PRKN: variants seen among roughly 807,000 people sequenced by gnomAD.
The protein encoded by PRKN is parkin RBR E3 ubiquitin protein ligase, also known as E3 ubiquitin-protein ligase parkin.
Under a neutral mutation model 59.5 loss-of-function variants are expected in PRKN, and 56 were observed. The ratio of observed to expected loss-of-function variants is 0.94; its 90% CI spans 0.76 to 1.18. The LOEUF (loss-of-function observed/expected upper bound fraction) is 1.18. PRKN is among the 50% of genes most tolerant of loss of function. The pLI is 0.00. For synonymous variants in PRKN, 250 were observed against 222.1 expected (o/e 1.13, Z -1.12); for missense variants, 657 against 596.4 (o/e 1.10, Z -1.06).
intron 5 of PRKN, among the ~76,000 whole-genome samples, chr6:161,986,068 T>C (rs1781425287): frequency 6.6e-6 from 1 of 152,194 alleles, no homozygotes; most frequent in Non-Finnish European, 1.5e-5. Context: ...CATGTCAGTT[T>C]ACCATTGCCA....
chr6:161,883,473 C>A (rs932907516), intron 6 of PRKN, among the ~76,000 whole-genome samples: 3 of 121,644 alleles, frequency 2.5e-5, no homozygotes, highest in Non-Finnish European at 1.6e-5. Context: ...GGTGACAGAG[C>A]AAGACTCTGA....
intron 1 of PRKN, among the ~76,000 whole-genome samples, chr6:162,519,834 T>C (rs997660560): frequency 2.6e-5 from 4 of 152,230 alleles, no homozygotes; most frequent in African/African-American, 9.6e-5. Context: ...TTTGCTGTAA[T>C]TTCATATATG....
In PRKN at chr6:161,766,456, C is replaced by T. The variant is rs541188836; in HGVS notation, c.871+19316G>A. ...CTGAGTAGCTGGGACTACAGGTGCACGCCACCATGCCCAGCTAATTTTTCT... is the reference window on the plus strand; with the variant it reads ...CTGAGTAGCTGGGACTACAGGTGCATGCCACCATGCCCAGCTAATTTTTCT... On this transcript the variant is annotated intron_variant, in intron 7 of 11. Transcript: ENST00000366898. Among the ~76,000 whole-genome samples, 11 of 152,096 alleles carry T rather than the reference C, an allele frequency of 7.2e-5. No individual in the cohort carries two copies. The South Asian group carries it at 8.3e-4, about 11-fold the overall frequency.
rs1015653939 is a variant in PRKN, at chr6:162,074,082, A to G, written c.535-19908T>C. 5.1e-4 allele frequency among the ~76,000 whole-genome samples: 74 copies of G among 145,840 alleles called. 1 individual carries two copies. The highest frequency in any genetic ancestry group is 8.8e-4 in the Non-Finnish European group (59 of 66,882). ...GTGGAAGTCAGTGTGGCGATTCCTC[A>G]AGGATCTAGAACTGGAAATACCATT... On this transcript the variant is annotated intron_variant, in intron 4 of 11. Transcript: ENST00000366898.
At chr6:162,242,039 C>G (rs1003858821) in intron 3 of PRKN, among the ~76,000 whole-genome samples, 1 of 151,848 alleles carries the variant, frequency 6.6e-6, no homozygotes, top group Non-Finnish European at 1.5e-5. Context: ...TAAACTCCCA[C>G]ATTTAAAATT....
chr6:162,462,962 T>G (rs1791241073), intron 1 of PRKN, among the ~76,000 whole-genome samples: 1 of 151,990 alleles, frequency 6.6e-6, no homozygotes, highest in African/African-American at 2.4e-5. Context: ...GGTGTGGTAG[T>G]GGGCGACTGA....
At position 161,441,213 on chromosome 6, in the gene PRKN, C is replaced by T. The variant is rs569611214; in HGVS notation, c.1084-54336G>A. 1.1e-4 allele frequency among the ~76,000 whole-genome samples: 16 copies of T among 152,300 alleles called. No homozygotes were observed. The South Asian group carries it at 1.2e-3, about 12-fold the overall frequency. On this transcript the variant is annotated intron_variant, in intron 9 of 11. Coordinates refer to ENST00000366898, the MANE Select transcript of PRKN (RefSeq NM_004562.3). ...AGCAAGAAAGAGCAGCTCAGCTCTG[C>T]GGAGAAGCATGGTGCTCAGCCATCA...
intron 2 of PRKN, among the ~76,000 whole-genome samples, chr6:162,349,677 C>T (rs748330922): frequency 7.9e-5 from 12 of 152,088 alleles, no homozygotes; most frequent in Non-Finnish European, 7.4e-5. Context: ...TGATGCAAAA[C>T]GGGAAGAGAA....
At chr6:161,567,809 T>C (rs1780713040) in intron 8 of PRKN, among the ~76,000 whole-genome samples, 1 of 152,158 alleles carries the variant, frequency 6.6e-6, no homozygotes, top group African/African-American at 2.4e-5. Flanking sequence ...ACTGCAAATA[T>C]TGGTACAAGT....
intron 6 of PRKN, among the ~76,000 whole-genome samples, chr6:161,902,876 T>C (rs767666260): frequency 7.2e-5 from 11 of 152,146 alleles, no homozygotes; most frequent in South Asian, 2.1e-4. Flanking sequence ...ATTTCTTACA[T>C]AGGACAAAAG....
intron 1 of PRKN, among the ~76,000 whole-genome samples, chr6:162,617,180 G>A (rs890278062): frequency 6.6e-6 from 1 of 151,968 alleles, no homozygotes; most frequent in Non-Finnish European, 1.5e-5. Context: ...TTTTTGTTGT[G>A]AGAATATTTA....
In PRKN at chr6:161,575,566, C is replaced by T. The variant is rs1781100078; in HGVS notation, c.872-6150G>A. Among the ~76,000 whole-genome samples, 1 of 152,180 alleles carries T rather than the reference C, an allele frequency of 6.6e-6. No homozygotes were observed. Among genetic ancestry groups the T allele is most frequent in the Non-Finnish European group, 1.5e-5 (1 of 68,032 alleles). ...ATTAAAAACCACATGAGTCTTCGAT[C>T]ACTATTTTTCCTTTTAATTTCTTTG... is the stretch of plus-strand genomic sequence containing the variant. On this transcript the variant is annotated intron_variant, in intron 7 of 11. Coordinates refer to ENST00000366898, the MANE Select transcript of PRKN (RefSeq NM_004562.3). This position sits in a 1 kb window ranked among gnomAD's most constrained non-coding sequence, Gnocchi z 4.6.
At chr6:162,475,849 TCAA>T (rs1303077447) in intron 1 of PRKN, among the ~76,000 whole-genome samples, 1 of 152,186 alleles carries the variant, frequency 6.6e-6, no homozygotes, top group Non-Finnish European at 1.5e-5. Flanking sequence ...CCTCCCGGGC[TCAA>T]GTGATTCTCC....
intron 2 of PRKN, among the ~76,000 whole-genome samples, chr6:162,367,580 T>C (rs959505717): frequency 6.6e-6 from 1 of 152,130 alleles, no homozygotes; most frequent in Non-Finnish European, 1.5e-5. Flanking sequence ...ACAGGATAGA[T>C]TCCTAAATGT....
At chr6:162,461,874 T>C (rs898829956) in intron 1 of PRKN, among the ~76,000 whole-genome samples, 11 of 151,410 alleles carry the variant, frequency 7.3e-5, no homozygotes, top group Non-Finnish European at 1.3e-4. Flanking sequence ...GCTGGAGTAG[T>C]TCAAAATATT....
At chr6:162,423,204 G>A (rs1243112038) in intron 2 of PRKN, among the ~76,000 whole-genome samples, 1 of 152,060 alleles carries the variant, frequency 6.6e-6, no homozygotes, top group Admixed American at 6.6e-5. Context: ...TCTCAACTAA[G>A]CACTTACAGA....
rs1428192763 is a variant in PRKN, at chr6:161,932,146, AT to A, written c.734+41155del. 5.3e-5 allele frequency among the ~76,000 whole-genome samples: 8 copies of A among 152,174 alleles called. No homozygotes were observed. In the East Asian group the frequency reaches 1.5e-3, roughly 29 times the overall value. Reference sequence around the variant, plus strand: ...AAAAAATTCAGAAATATTTAAAAAAATCTCAGTTAACATAATTAAGATTAAT... The same window carrying A: ...AAAAAATTCAGAAATATTTAAAAAAACTCAGTTAACATAATTAAGATTAAT... On this transcript the variant is annotated intron_variant, in intron 6 of 11. Coordinates refer to ENST00000366898, the MANE Select transcript of PRKN (RefSeq NM_004562.3).
At position 161,551,576 on chromosome 6, in the gene PRKN, G is replaced by C. The variant is rs577701081; in HGVS notation, c.934-2573C>G. ...GCCATGATGAGCTGTGGTTGGAGCT[G>C]GGTGTGTGGCTGCCATTGCGGTCTT... is the stretch of plus-strand genomic sequence containing the variant. On this transcript the variant is annotated intron_variant, in intron 8 of 11. Coordinates refer to ENST00000366898, the MANE Select transcript of PRKN (RefSeq NM_004562.3). This position sits in a 1 kb window ranked among gnomAD's most constrained non-coding sequence, Gnocchi z 5.2. 2.0e-5 allele frequency among the ~76,000 whole-genome samples: 3 copies of C among 152,268 alleles called. No homozygotes were observed. The highest frequency in any genetic ancestry group is 7.2e-5 in the African/African-American group (3 of 41,556).
chr6:161,750,118 T>TATATATATATATATATATATACAC (rs1269147499), intron 7 of PRKN, among the ~76,000 whole-genome samples: 42 of 137,788 alleles, frequency 3.0e-4, no homozygotes, highest in African/African-American at 1.1e-3. Context: ...TATATATATA[T>TATATATATATATATATATATACAC]ACACACACAC....
Sources: gnomAD v4.1 joint callset for allele counts (sites outside exome capture counted in the v4.1 genomes callset) on GRCh38, gnomAD v4.1.1 for gene constraint, Gnocchi (gnomAD v3.1) non-coding constraint, MANE v1.5 for transcripts, NCBI Gene and HGNC (gene_info 2026-07-23, HGNC 2026-07-21) for gene names.